VWA8: variants seen among roughly 807,000 people sequenced by gnomAD.
The protein encoded by VWA8 is von Willebrand factor A domain-containing protein 8.
VWA8 carries 221 observed loss-of-function variants against 241.5 expected under a neutral mutation model. The observed-to-expected ratio is 0.91, with a 90% CI of 0.82 to 1.02. VWA8 has a LOEUF of 1.02. Among genes scored for constraint, VWA8 ranks in the 50% least tolerant of loss-of-function variants. VWA8 has a pLI of 0.00. For synonymous variants in VWA8, 852 were observed against 827.1 expected (o/e 1.03, Z -0.52); for missense variants, 2,322 against 2,328.7 (o/e 1.00, Z 0.06).
intron 26 of VWA8, 127 bp from the exon 27 acceptor site, chr13:41,703,538 C>CCT: frequency 1.4e-6 from 1 of 715,512 alleles, no homozygotes; most frequent in South Asian, 1.9e-5. Flanking sequence ...GTGAGTTATA[C>CCT]ATCATTTTAT....
rs772166629 is a variant in VWA8 at position 41,568,282 on chromosome 13, C to A, written c.5633G>T (p.Gly1878Val). Residue 1878 changes from glycine to valine, a missense_variant, in exon 45 of 45, where the codon GGT (glycine) becomes GTT (valine). Physicochemically the swap from Gly to Val is moderately radical, Grantham distance 109 (BLOSUM62 -3). Coordinates refer to ENST00000379310, the MANE Select transcript of VWA8 (RefSeq NM_015058.2). ...ATRLQRTLPA[G>V]RSFVAMDTKD... ...GGTATCCATGGCAACGAAAGACCGA[C>A]CAGCTGGTAAAGTTCTCTGAAGCCT... 6.2e-7 allele frequency: 1 copy of A among 1,614,108 alleles called. No individual in the cohort carries two copies. The highest frequency in any genetic ancestry group is 1.1e-5 in the South Asian group (1 of 91,066).
rs144964647 is a variant in VWA8, at chr13:41,666,366, C to T, written c.4611+4580G>A. 2.0e-3 allele frequency among the ~76,000 whole-genome samples: 309 copies of T among 152,272 alleles called. 2 individuals are homozygous for T. The highest frequency in any genetic ancestry group is 0.011 in the South Asian group (52 of 4,826). The stretch of plus-strand genomic sequence containing the variant: ...TCTTATCTGTGTTCTCTGTACCTTT[C>T]TCCCTTTTCTCTCATTGCTTCTGTC... On this transcript the variant is annotated intron_variant, in intron 37 of 44. Transcript: ENST00000379310.
chr13:41,708,567 A>G (rs2045297218), intron 26 of VWA8, among the ~76,000 whole-genome samples: 1 of 152,208 alleles, frequency 6.6e-6, no homozygotes, highest in Non-Finnish European at 1.5e-5. Context: ...GCTTTGCTGC[A>G]AATGATGTAT....
At chr13:41,735,733 T>A (rs2045519837) in intron 21 of VWA8, among the ~76,000 whole-genome samples, 3 of 152,156 alleles carry the variant, frequency 2.0e-5, no homozygotes. Context: ...ATTGTCTGCA[T>A]AAGACTTAAT....
chr13:41,788,416 A>C (rs928291101), intron 17 of VWA8, among the ~76,000 whole-genome samples: 1 of 152,196 alleles, frequency 6.6e-6, no homozygotes, highest in Non-Finnish European at 1.5e-5. Flanking sequence ...CAAATAGACA[A>C]GCATGTAAAG....
At chr13:41,836,702 G>A (rs886376753) in intron 12 of VWA8, among the ~76,000 whole-genome samples, 2 of 152,038 alleles carry the variant, frequency 1.3e-5, no homozygotes, top group Non-Finnish European at 2.9e-5. Flanking sequence ...TATACTAACA[G>A]AGATGATGAA....
At chr13:41,918,819 TATAC>T (rs1166819253) in intron 2 of VWA8, among the ~76,000 whole-genome samples, 62 of 152,226 alleles carry the variant, frequency 4.1e-4, no homozygotes, top group African/African-American at 1.3e-3. Context: ...ATGATACACA[TATAC>T]ATAGTCATTT....
chr13:41,587,278 C>T (rs183412960), intron 42 of VWA8, among the ~76,000 whole-genome samples: 2 of 152,142 alleles, frequency 1.3e-5, no homozygotes, highest in African/African-American at 2.4e-5. Flanking sequence ...CTAAGCAGCT[C>T]ATTTTTTTCT....
intron 20 of VWA8, among the ~76,000 whole-genome samples, chr13:41,773,791 GTATGATTTAAT>G (rs1438136785): frequency 5.3e-5 from 8 of 152,188 alleles, no homozygotes; most frequent in Admixed American, 5.2e-4. Flanking sequence ...GCAAAGTTAT[GTATGATTTAAT>G]TAGCTAAATA....
intron 42 of VWA8, among the ~76,000 whole-genome samples, chr13:41,582,730 T>C (rs991546958): frequency 2.7e-5 from 3 of 110,472 alleles, no homozygotes; most frequent in Non-Finnish European, 5.7e-5. Flanking sequence ...TATGATCATA[T>C]AACATAATGA....
intron 2 of VWA8, among the ~76,000 whole-genome samples, chr13:41,917,241 T>C (rs1566038546): frequency 6.6e-6 from 1 of 152,094 alleles, no homozygotes; most frequent in Non-Finnish European, 1.5e-5. Context: ...GATTCTATTA[T>C]AATAAATCCT....
At chr13:41,720,699 T>C (rs542330128) in intron 25 of VWA8, among the ~76,000 whole-genome samples, 1 of 152,294 alleles carries the variant, frequency 6.6e-6, no homozygotes, top group Non-Finnish European at 1.5e-5. Context: ...CCTGTGTGTA[T>C]TCTCCCTGCC....
In VWA8 at chr13:41,875,342, C is replaced by T. The variant is rs1873847224; in HGVS notation, c.1081-6865G>A. ...ATGTCCTTTTCCACCTCAGCTAGGG[C>T]ACATTTTCCATGCACTCCACATTTT... is the stretch of plus-strand genomic sequence containing the variant. On this transcript the variant is annotated intron_variant, in intron 9 of 44. Coordinates refer to ENST00000379310, the MANE Select transcript of VWA8 (RefSeq NM_015058.2). Among the ~76,000 whole-genome samples, 3 of 152,186 alleles carry T rather than the reference C, an allele frequency of 2.0e-5. No homozygotes were observed. The South Asian group carries it at 6.2e-4, about 32-fold the overall frequency.
chr13:41,612,569 A>G (rs76239298), intron 38 of VWA8, among the ~76,000 whole-genome samples: 196 of 152,356 alleles, frequency 1.3e-3, no homozygotes, highest in African/African-American at 3.9e-3. Context: ...ATGAAAATTG[A>G]AATTATTTTA....
intron 20 of VWA8, among the ~76,000 whole-genome samples, chr13:41,766,006 G>C (rs2137912933): frequency 6.6e-6 from 1 of 152,272 alleles, no homozygotes; most frequent in Admixed American, 6.5e-5. Context: ...GCAGAAGCAG[G>C]AGTAGGGCGG....
intron 37 of VWA8, 114 bp from the exon 38 acceptor site, chr13:41,615,198 C>T: frequency 2.0e-6 from 2 of 1,004,506 alleles, no homozygotes; most frequent in Non-Finnish European, 2.9e-6. Context: ...TAACCTCAGG[C>T]CACTGGACTT....
intron 22 of VWA8, among the ~76,000 whole-genome samples, chr13:41,731,680 TA>T (rs2045484780): frequency 6.6e-6 from 1 of 152,162 alleles, no homozygotes; most frequent in Non-Finnish European, 1.5e-5. Flanking sequence ...GTAGCTCCCA[TA>T]ATTCAAAAGA....
chr13:41,716,362 T>G (rs1483741831), intron 26 of VWA8, among the ~76,000 whole-genome samples: 1 of 152,042 alleles, frequency 6.6e-6, no homozygotes, highest in East Asian at 1.9e-4. Context: ...GTGAGATAGA[T>G]AACATCACTG....
At chr13:41,787,639 C>CACACA in intron 17 of VWA8, 96 bp from the exon 18 acceptor site, 22 of 755,166 alleles carry the variant, frequency 2.9e-5, no homozygotes, top group African/African-American at 5.3e-5. Context: ...CACACACACT[C>CACACA]CTTACTAATT....
Sources: gnomAD v4.1 joint callset for allele counts (sites outside exome capture counted in the v4.1 genomes callset) on GRCh38, gnomAD v4.1.1 for gene constraint, MANE v1.5 for transcripts, NCBI Gene and HGNC (gene_info 2026-07-23, HGNC 2026-07-21) for gene names.